Variants in SYNE1 observed in about 807,000 individuals in gnomAD.
SYNE1 encodes spectrin repeat containing nuclear envelope protein 1, also known as nesprin-1.
In SYNE1, 616 loss-of-function variants were observed where a neutral mutation model predicts 1,111.0. The ratio of observed to expected loss-of-function variants is 0.55; its 90% CI spans 0.52 to 0.59. The LOEUF (loss-of-function observed/expected upper bound fraction) is 0.59. SYNE1 is among the 20% of genes least tolerant of loss of function. SYNE1 has a pLI of 0.00. For synonymous variants in SYNE1, 3,855 were observed against 3,825.8 expected (o/e 1.01, Z -0.28); for missense variants, 10,006 against 10,417.0 (o/e 0.96, Z 1.72).
chr6:152,177,753 T>C (rs1427302918), intron 129 of SYNE1, among the ~76,000 whole-genome samples: 2 of 152,210 alleles, frequency 1.3e-5, no homozygotes, highest in Non-Finnish European at 2.9e-5. Context: ...GATGATTTTA[T>C]TGAGAAGTGT....
chr6:152,163,542 T>G (rs1586620075), intron 131 of SYNE1, among the ~76,000 whole-genome samples: 1 of 148,188 alleles, frequency 6.7e-6, no homozygotes, highest in South Asian at 2.2e-4. Context: ...AGGGAGGGAA[T>G]GGGAGGTGAA....
chr6:152,256,200 C>A (rs1461785321), intron 102 of SYNE1, among the ~76,000 whole-genome samples: 2 of 151,904 alleles, frequency 1.3e-5, no homozygotes, highest in Non-Finnish European at 2.9e-5. Context: ...GCGGGCGGAT[C>A]ACGAGGTCAG....
rs116292261 is a variant in SYNE1 at position 152,206,120 on chromosome 6, C to T, written c.23019+48G>A. On this transcript the variant is annotated intron_variant, in intron 126 of 145. Coordinates refer to ENST00000367255, the MANE Select transcript of SYNE1 (RefSeq NM_182961.4). ...AGAATAACAATGGGAGGAAGTAGTA[C>T]AACGACTAAAAGGGTTTTTTGGTTC... is the stretch of plus-strand genomic sequence containing the variant. 25,363 of 1,571,386 alleles carry T rather than the reference C, an allele frequency of 0.016. 1,446 individuals are homozygous for T. Among genetic ancestry groups the T allele is most frequent in the African/African-American group, 0.16 (11,917 of 74,192 alleles).
At chr6:152,456,429 GT>G (rs2098696577) in intron 22 of SYNE1, among the ~76,000 whole-genome samples, 1 of 151,726 alleles carries the variant, frequency 6.6e-6, no homozygotes, top group South Asian at 2.1e-4. Context: ...TACATATCAG[GT>G]TTTAATGTGA....
At chr6:152,411,170 T>C (rs1047882417) in intron 42 of SYNE1, among the ~76,000 whole-genome samples, 2 of 152,220 alleles carry the variant, frequency 1.3e-5, no homozygotes, top group Non-Finnish European at 2.9e-5. Flanking sequence ...ATTGAAAATA[T>C]TATTCTTTCT....
At chr6:152,557,023 T>G (rs2099367342) in intron 3 of SYNE1, among the ~76,000 whole-genome samples, 3 of 151,880 alleles carry the variant, frequency 2.0e-5, no homozygotes, top group African/African-American at 7.3e-5. Context: ...AGAAGCTAAG[T>G]GAGCTAAAGG....
At position 152,395,736 on chromosome 6, in the gene SYNE1, G is replaced by A. The variant is rs1387314386; in HGVS notation, c.7557-65C>T. 3.2e-6 allele frequency: 5 copies of A among 1,556,330 alleles called. No individual in the cohort carries two copies. The Admixed American group carries it at 8.4e-5, about 26-fold the overall frequency. On this transcript the variant is annotated intron_variant, in intron 50 of 145. Transcript: ENST00000367255. ...TTGTTATGATAAATTACTTTTAATA[G>A]CTGAGGTCACAATGTCTTTTAAATG...
intron 2 of SYNE1, among the ~76,000 whole-genome samples, chr6:152,629,007 A>G (rs2099692121): frequency 6.6e-6 from 1 of 152,182 alleles, no homozygotes; most frequent in South Asian, 2.1e-4. Context: ...TTCTCATACC[A>G]ATTTGATGAA....
intron 100 of SYNE1, 138 bp from the exon 101 acceptor site, chr6:152,262,326 CA>C (rs2092115857): frequency 1.2e-6 from 1 of 804,342 alleles, no homozygotes; most frequent in Non-Finnish European, 2.0e-6. Context: ...TTAAAAATAA[CA>C]AAAATGTTTA....
At chr6:152,188,079 T>C (rs1483251141) in intron 128 of SYNE1, among the ~76,000 whole-genome samples, 1 of 152,182 alleles carries the variant, frequency 6.6e-6, no homozygotes, top group East Asian at 1.9e-4. Flanking sequence ...GTTTTCTTCT[T>C]AACTGTACAC....
rs74495597 is a variant in SYNE1 at position 152,232,848 on chromosome 6, G to C, written c.20713-583C>G. ...ATTACGATGATTTGGAGGAACAAAA[G>C]CAATCATTTAAAATCTTTGTATATC... On this transcript the variant is annotated intron_variant, in intron 112 of 145. Transcript: ENST00000367255. Among the ~76,000 whole-genome samples the C allele has an allele frequency of 3.4e-3, 517 of 152,290 alleles. 3 individuals carry two copies. Among genetic ancestry groups the C allele is most frequent in the African/African-American group, 0.012 (489 of 41,560 alleles).
At chr6:152,211,878 C>A (rs535011252) in intron 123 of SYNE1, among the ~76,000 whole-genome samples, 2 of 151,968 alleles carry the variant, frequency 1.3e-5, no homozygotes, top group Admixed American at 6.6e-5. Context: ...AGTTAATGCA[C>A]AATTTGTTTT....
intron 100 of SYNE1, among the ~76,000 whole-genome samples, chr6:152,267,492 T>C (rs1293160261): frequency 1.3e-5 from 2 of 152,200 alleles, no homozygotes; most frequent in South Asian, 2.1e-4. Context: ...AACTCAGACC[T>C]GCCTCAAAAT....
chr6:152,186,556 C>CAAAAAAAAAAAAAAAAAAAA lies in SYNE1; in HGVS notation c.23301+2676_23301+2695dup, dbSNP rs59187571. Among the ~76,000 whole-genome samples the CAAAAAAAAAAAAAAAAAAAA allele has an allele frequency of 4.5e-4, 17 of 38,042 alleles. 1 individual carries two copies. The highest frequency in any genetic ancestry group is 5.8e-4 in the Non-Finnish European group (13 of 22,538). The allele number at this position is 38,042 out of a possible 152,430, so 25.0% of individuals were successfully genotyped here. A position where few individuals can be genotyped will look rare whatever the true frequency, so the allele number is the denominator to read the frequency against. ...GGGCAACAAGAGAGCAGCTCTGTGT[C>CAAAAAAAAAAAAAAAAAAAA]AAAAAAAAAAAAAAAAAAAAAAAAA... On this transcript the variant is annotated intron_variant, in intron 128 of 145. Transcript: ENST00000367255.
At chr6:152,474,107 C>T (rs1017207980) in intron 14 of SYNE1, among the ~76,000 whole-genome samples, 28 of 151,928 alleles carry the variant, frequency 1.8e-4, no homozygotes, top group African/African-American at 6.8e-4. Flanking sequence ...ATCACTTGAA[C>T]CCAGGAGGTG....
rs1305848555 is a variant in SYNE1 at position 152,339,312 on chromosome 6, A to C, written c.12280T>G (p.Cys4094Gly). Residue 4094 changes from cysteine to glycine, a missense_variant, in exon 75 of 146, where the codon TGC becomes GGC. Transcript: ENST00000367255. ...EQARTYLDLLCSMCDLSNASV... is the reference protein window; with the variant it reads ...EQARTYLDLLGSMCDLSNASV... The stretch of plus-strand genomic sequence containing the variant: ...GCATTTGACAGGTCACACATGGAGC[A>C]AAGGAGATCTAGGTAGGTCCTTGCC... 10 of 1,614,096 alleles carry C rather than the reference A, an allele frequency of 6.2e-6. No individual in the cohort carries two copies. Among genetic ancestry groups the C allele is most frequent in the Non-Finnish European group, 8.5e-6 (10 of 1,179,940 alleles).
intron 124 of SYNE1, among the ~76,000 whole-genome samples, chr6:152,210,021 G>A (rs2077250763): frequency 6.6e-6 from 1 of 152,116 alleles, no homozygotes; most frequent in Non-Finnish European, 1.5e-5. Context: ...ATACAACCAA[G>A]CTGTCCCAAA....
chr6:152,265,256 G>A (rs142090757), intron 100 of SYNE1, among the ~76,000 whole-genome samples: 201 of 147,890 alleles, frequency 1.4e-3, no homozygotes, highest in African/African-American at 4.9e-3. Context: ...TAATGGCAAT[G>A]GCAATAGTGC....
intron 63 of SYNE1, among the ~76,000 whole-genome samples, chr6:152,363,463 G>C (rs1050069404): frequency 3.4e-4 from 52 of 150,782 alleles, no homozygotes; most frequent in Middle Eastern, 3.4e-3. Context: ...CACTGCACTG[G>C]AGCCTGGGCG....
Sources: gnomAD v4.1 joint callset for allele counts (sites outside exome capture counted in the v4.1 genomes callset) on GRCh38, gnomAD v4.1.1 for gene constraint, MANE v1.5 for transcripts, NCBI Gene and HGNC (gene_info 2026-07-23, HGNC 2026-07-21) for gene names.